ABCG4: variants seen among roughly 807,000 people sequenced by gnomAD.
The protein encoded by ABCG4 is ATP-binding cassette sub-family G member 4.
ABCG4 carries 35 observed loss-of-function variants against 64.6 expected under a neutral mutation model. The observed-to-expected ratio is 0.54, with a 90% CI of 0.41 to 0.72. The LOEUF (loss-of-function observed/expected upper bound fraction) is 0.72, where lower values mean the gene tolerates loss of function less well. Among genes scored for constraint, ABCG4 ranks in the 30% least tolerant of loss-of-function variants. The pLI is 0.00. For missense variants in ABCG4, 610 were observed against 846.3 expected (o/e 0.72, Z 3.46); for synonymous variants, 326 against 348.2 (o/e 0.94, Z 0.71).
In ABCG4 at chr11:119,155,037, AG is replaced by A. The variant is rs1948248081; in HGVS notation, c.686+125del. On this transcript the variant is annotated intron_variant, in intron 6 of 14. Coordinates refer to ENST00000619701, the MANE Select transcript of ABCG4 (RefSeq NM_022169.5). The surrounding 1 kb of genome is among the most constrained non-coding windows in gnomAD (Gnocchi z 4.5). ...TTCACAGCCTCCTGGGGCCAAGATA[AG>A]GGCTTCTTCCTCATCTCCACCCTTG... 2.9e-6 allele frequency: 4 copies of A among 1,383,754 alleles called. No individual in the cohort carries two copies. Among genetic ancestry groups the A allele is most frequent in the Non-Finnish European group, 3.9e-6 (4 of 1,020,210 alleles). 85.7% of individuals were successfully genotyped at this position (1,383,754 alleles called of 1,614,324 possible).
chr11:119,153,882 T>C (rs774503087), intron 2 of ABCG4, 144 bp from the exon 3 acceptor site: 3 of 712,210 alleles, frequency 4.2e-6, no homozygotes, highest in African/African-American at 3.5e-5. Flanking sequence ...CTGCCGGGGC[T>C]ATAAGGGTTG....
chr11:119,150,140 G>A lies in ABCG4; in HGVS notation c.175G>A (p.Val59Met). 7 of 1,614,196 alleles carry A rather than the reference G, an allele frequency of 4.3e-6. No homozygotes were observed. The highest frequency in any genetic ancestry group is 5.9e-6 in the Non-Finnish European group (7 of 1,180,020). Residue 59 changes from valine (V) to methionine (M), a missense_variant, in exon 2 of 15, where the codon GTG (valine) becomes ATG (methionine). Physicochemically the swap from Val to Met is conservative, Grantham distance 21. Coordinates refer to ENST00000619701, the MANE Select transcript of ABCG4 (RefSeq NM_022169.5). The surrounding 1 kb of genome is among the most constrained non-coding windows in gnomAD (Gnocchi z 4.3). Reference protein sequence around the residue: ...RFSHLPKRSAVDIEFVELSYS... With the variant: ...RFSHLPKRSAMDIEFVELSYS... ...CTCCCACCTACCCAAGCGCTCAGCCGTGGACATCGAGTTCGTGGAGCTGTC... is the reference window on the plus strand; with the variant it reads ...CTCCCACCTACCCAAGCGCTCAGCCATGGACATCGAGTTCGTGGAGCTGTC...
Position 119,161,615 on chromosome 11 carries a change from C to T in ABCG4, c.*509C>T, listed in dbSNP as rs775126009. The T allele has an allele frequency of 1.3e-5, 2 of 155,324 alleles. No individual in the cohort carries two copies. The highest frequency in any genetic ancestry group is 2.9e-5 in the Non-Finnish European group (2 of 69,938). 9.6% of individuals were successfully genotyped at this position (155,324 alleles called of 1,614,324 possible). ...ATGTTGAAATGGACAGGGAAGGACT[C>T]TGGAAGTCTCTTCCTCCTCCTCCTC... On this transcript the variant is annotated 3_prime_UTR_variant, in exon 15 of 15. Transcript: ENST00000619701.
intron 2 of ABCG4, chr11:119,153,194 A>C (rs1311391169): frequency 6.6e-6 from 1 of 152,484 alleles, no homozygotes; most frequent in African/African-American, 2.4e-5. Context: ...TATCATCCTC[A>C]TTTTACAGAT....
At position 119,161,046 on chromosome 11, in the gene ABCG4, C is replaced by T. The variant is rs1162348079; in HGVS notation, c.1881C>T (p.Phe627=). The T allele has an allele frequency of 1.2e-6, 2 of 1,614,048 alleles. No homozygotes were observed. The highest frequency in any genetic ancestry group is 1.7e-6 in the Non-Finnish European group (2 of 1,179,980). The part of the protein sequence containing the change: ...YMDFLVLGIF[F]LALRLLAYLV... ...ACTTCCTGGTCTTGGGCATCTTCTT[C>T]CTAGCCCTGCGGCTGCTGGCCTACC... Residue 627 remains phenylalanine (F), a synonymous_variant, in exon 15 of 15, where the codon TTC becomes TTT. Coordinates refer to ENST00000619701, the MANE Select transcript of ABCG4 (RefSeq NM_022169.5).
At chr11:119,151,342 C>G (rs1316148364) in intron 2 of ABCG4, among the ~76,000 whole-genome samples, 1 of 152,230 alleles carries the variant, frequency 6.6e-6, no homozygotes, top group East Asian at 1.9e-4. Flanking sequence ...TGGCCCTTCC[C>G]TCCTTTTGAC....
intron 9 of ABCG4, 60 bp downstream of exon 9, chr11:119,157,074 A>G (rs1189772077): frequency 9.8e-6 from 15 of 1,528,298 alleles, no homozygotes; most frequent in Non-Finnish European, 1.3e-5. Context: ...TGGACCATGG[A>G]CAGTGGCCCT....
intron 12 of ABCG4, among the ~76,000 whole-genome samples, chr11:119,159,655 C>A (rs938758377): frequency 1.3e-5 from 2 of 152,188 alleles, no homozygotes; most frequent in African/African-American, 4.8e-5. Flanking sequence ...GCCAATACCA[C>A]CCTGTTCCAA....
Position 119,158,971 on chromosome 11 carries a change from C to T in ABCG4, c.1437+42C>T. 6.3e-7 allele frequency: 1 copy of T among 1,576,656 alleles called. No individual in the cohort carries two copies. Among genetic ancestry groups the T allele is most frequent in the South Asian group, 1.1e-5 (1 of 90,290 alleles). ...CACCTGCCCACTGCCTCCATCTTGT[C>T]TTGCTCCTTCTATCCTTGCTTTCTT... On this transcript the variant is annotated intron_variant, in intron 12 of 14. Transcript: ENST00000619701. The surrounding 1 kb of genome is among the most constrained non-coding windows in gnomAD (Gnocchi z 4.5).
chr11:119,159,056 G>C (rs1948309386), intron 12 of ABCG4, 127 bp downstream of exon 12: 3 of 878,314 alleles, frequency 3.4e-6, no homozygotes, highest in Non-Finnish European at 5.5e-6. Flanking sequence ...TTAGCAAATA[G>C]ATGGTGAGTA....
rs138994881 is a variant in ABCG4, at chr11:119,160,016, C to A, written c.1438-211C>A. Among the ~76,000 whole-genome samples the A allele has an allele frequency of 1.3e-5, 2 of 151,904 alleles. No homozygotes were observed. Among genetic ancestry groups the A allele is most frequent in the East Asian group, 3.9e-4 (2 of 5,148 alleles). On this transcript the variant is annotated intron_variant, in intron 12 of 14. Transcript: ENST00000619701. This position sits in a 1 kb window ranked among gnomAD's most constrained non-coding sequence, Gnocchi z 4.6. ...CCTGAAGCAGTCAGGGTGGACCAAA[C>A]GGAAGACGTGAGACGAGATAAGTGA... is the stretch of plus-strand genomic sequence containing the variant.
chr11:119,159,097 C>T (rs902083785), intron 12 of ABCG4, among the ~76,000 whole-genome samples, 168 bp downstream of exon 12: 1 of 152,236 alleles, frequency 6.6e-6, no homozygotes, highest in African/African-American at 2.4e-5. Flanking sequence ...GTACCAGGCC[C>T]TAGGGATATA....
Position 119,158,345 on chromosome 11 carries a change from G to GC in ABCG4, c.1167+14dup. ...CCTCAGGGACACGGTGAGGCGTCAGGCTGGGGGAGAGGAGGCTGGCACAGG... is the reference window on the plus strand; with the variant it reads ...CCTCAGGGACACGGTGAGGCGTCAGGCCTGGGGGAGAGGAGGCTGGCACAGG... On this transcript the variant is annotated intron_variant, in intron 10 of 14. Coordinates refer to ENST00000619701, the MANE Select transcript of ABCG4 (RefSeq NM_022169.5). The surrounding 1 kb of genome is among the most constrained non-coding windows in gnomAD (Gnocchi z 4.5). The GC allele has an allele frequency of 6.2e-7, 1 of 1,613,414 alleles. No homozygotes were observed. Among genetic ancestry groups the GC allele is most frequent in the South Asian group, 1.1e-5 (1 of 91,062 alleles).
In ABCG4 at chr11:119,162,653, A is replaced by G. The variant is rs1277340694; in HGVS notation, c.*1547A>G. ...TTAATAAAACCTATATTTATACAGT[A>G]TGCAATGTGTAAATGTGTGTGGATC... On this transcript the variant is annotated 3_prime_UTR_variant, in exon 15 of 15. Coordinates refer to ENST00000619701, the MANE Select transcript of ABCG4 (RefSeq NM_022169.5). The G allele has an allele frequency of 6.6e-6, 1 of 152,254 alleles. No individual in the cohort carries two copies. The highest frequency in any genetic ancestry group is 1.5e-5 in the Non-Finnish European group (1 of 68,046). The allele number at this position is 152,254 out of a possible 1,614,324, so 9.4% of individuals were successfully genotyped here.
chr11:119,159,597 C>T (rs1488095135), intron 12 of ABCG4, among the ~76,000 whole-genome samples: 3 of 152,224 alleles, frequency 2.0e-5, no homozygotes, highest in Non-Finnish European at 4.4e-5. Flanking sequence ...TAGAATAGTG[C>T]TTGGCACATA....
In ABCG4 at chr11:119,160,200, A is replaced by G. The variant is rs1767760216; in HGVS notation, c.1438-27A>G. The G allele has an allele frequency of 3.8e-6, 6 of 1,586,748 alleles. No individual in the cohort carries two copies. Among genetic ancestry groups the G allele is most frequent in the Non-Finnish European group, 4.3e-6 (5 of 1,159,366 alleles). ...CTGCTGTGCCCCTGGCTTGAAGTCC[A>G]CTGTCCAGCCCGTGCCCACTCCCCA... is the stretch of plus-strand genomic sequence containing the variant. On this transcript the variant is annotated intron_variant, in intron 12 of 14. Transcript: ENST00000619701. The surrounding 1 kb of genome is among the most constrained non-coding windows in gnomAD (Gnocchi z 4.6).
Position 119,158,539 on chromosome 11 carries a change from G to A in ABCG4, c.1168-18G>A, listed in dbSNP as rs374632897. The A allele has an allele frequency of 1.2e-5, 20 of 1,613,894 alleles. No individual in the cohort carries two copies. The highest frequency in any genetic ancestry group is 1.5e-5 in the Non-Finnish European group (18 of 1,179,952). On this transcript the variant is annotated intron_variant, in intron 10 of 14. Coordinates refer to ENST00000619701, the MANE Select transcript of ABCG4 (RefSeq NM_022169.5). The surrounding 1 kb of genome is among the most constrained non-coding windows in gnomAD (Gnocchi z 4.5). ...TGGCCTGTAACACATCCCTCTCCTG[G>A]TGATGACCCCTCCCAAGGTCCTGAC... is the stretch of plus-strand genomic sequence containing the variant.
In ABCG4 at chr11:119,156,495, G is replaced by A; in HGVS notation, c.810+43G>A. 6.2e-7 allele frequency: 1 copy of A among 1,614,138 alleles called. No homozygotes were observed. Among genetic ancestry groups the A allele is most frequent in the Non-Finnish European group, 8.5e-7 (1 of 1,179,984 alleles). On this transcript the variant is annotated intron_variant, in intron 7 of 14. Transcript: ENST00000619701. This position sits in a 1 kb window ranked among gnomAD's most constrained non-coding sequence, Gnocchi z 5.5. The stretch of plus-strand genomic sequence containing the variant: ...TCAAGGAGGATTGGCCTGAGATGGA[G>A]GGATGGAAGGGGGTCAGTAGGGGTG...
In ABCG4 at chr11:119,158,898, T is replaced by C. The variant is rs772386778; in HGVS notation, c.1406T>C (p.Leu469Pro). 2 of 1,614,116 alleles carry C rather than the reference T, an allele frequency of 1.2e-6. No individual in the cohort carries two copies. Among genetic ancestry groups the C allele is most frequent in the Admixed American group, 3.3e-5 (2 of 60,012 alleles). ...TGGTACAGCCTCAAAGCGTATTACC[T>C]GGCCAAGACCATGGCTGACGTGCCC... ...NYWYSLKAYY[L>P]AKTMADVPFQ... The change falls in exon 12 of 15, where the codon CTG becomes CCG. Residue 469 changes from leucine to proline, a missense_variant. Leu to Pro is a moderately conservative substitution (Grantham distance 98). Transcript: ENST00000619701. The surrounding 1 kb of genome is among the most constrained non-coding windows in gnomAD (Gnocchi z 4.5).
Sources: allele counts gnomAD v4.1 joint callset (sites outside exome capture counted in the v4.1 genomes callset), GRCh38; gene constraint gnomAD v4.1.1; non-coding constraint Gnocchi (gnomAD v3.1); transcripts MANE v1.5; gene names NCBI Gene and HGNC (gene_info 2026-07-23, HGNC 2026-07-21).